Variants in VWA8 observed in about 807,000 individuals in gnomAD.
VWA8 encodes the protein von Willebrand factor A domain containing 8.
In VWA8, 221 loss-of-function variants were observed where a neutral mutation model predicts 241.5. That is an observed-to-expected ratio of 0.91 (90% CI 0.82 to 1.02). The LOEUF is 1.02. VWA8 is among the 50% of genes least tolerant of loss of function. The pLI is 0.00. For synonymous variants in VWA8, 852 were observed against 827.1 expected, an observed-to-expected ratio of 1.03 and a Z score of -0.52; for missense variants, 2,322 against 2,328.7, an observed-to-expected ratio of 1.00 and a Z score of 0.06.
intron 2 of VWA8, among the ~76,000 whole-genome samples, chr13:41,939,304 A>G (rs890316377): frequency 6.6e-6 from 1 of 152,250 alleles, no homozygotes; most frequent in Non-Finnish European, 1.5e-5. Flanking sequence ...GCACAAAAGC[A>G]TGAAAGAATC....
intron 21 of VWA8, among the ~76,000 whole-genome samples, chr13:41,745,404 C>T (rs781137870): frequency 5.3e-5 from 8 of 152,006 alleles, no homozygotes; most frequent in Non-Finnish European, 1.0e-4. Context: ...GTTTTCTGTC[C>T]TTGTGATACA....
At chr13:41,654,446 G>A (rs1392991457) in intron 37 of VWA8, among the ~76,000 whole-genome samples, 1 of 152,150 alleles carries the variant, frequency 6.6e-6, no homozygotes, top group Non-Finnish European at 1.5e-5. Context: ...ATTTTTCCAG[G>A]GACAGGGTAG....
chr13:41,727,441 T>C, intron 23 of VWA8, 128 bp from the exon 24 acceptor site: 1 of 863,964 alleles, frequency 1.2e-6, no homozygotes. Context: ...TATTTGGCTG[T>C]GATAACTTGG....
At chr13:41,861,983 C>T (rs1056413127) in intron 12 of VWA8, among the ~76,000 whole-genome samples, 4 of 152,090 alleles carry the variant, frequency 2.6e-5, no homozygotes, top group African/African-American at 9.7e-5. Context: ...CAGCCTGAAT[C>T]GCCAATGTAA....
intron 4 of VWA8, among the ~76,000 whole-genome samples, chr13:41,893,134 C>G (rs919222700): frequency 2.6e-5 from 4 of 152,150 alleles, no homozygotes; most frequent in African/African-American, 9.7e-5. Flanking sequence ...GAAAACATAT[C>G]TCTATTTTTT....
At chr13:41,696,446 A>G (rs1393957476) in intron 29 of VWA8, among the ~76,000 whole-genome samples, 2 of 152,196 alleles carry the variant, frequency 1.3e-5, no homozygotes, top group East Asian at 3.8e-4. Context: ...TTTAAAAAAT[A>G]TTTTCCTATT....
chr13:41,881,604 C>T (rs1874195859), intron 9 of VWA8, among the ~76,000 whole-genome samples: 1 of 150,502 alleles, frequency 6.6e-6, no homozygotes, highest in African/African-American at 2.4e-5. Flanking sequence ...GGGTGGTGGC[C>T]AGGCAGAGGG....
At chr13:41,583,591 C>T (rs56676800) in intron 42 of VWA8, among the ~76,000 whole-genome samples, 4,047 of 146,284 alleles carry the variant, frequency 0.028, 173 homozygotes, top group African/African-American at 0.094. Context: ...TGCAGTGAGC[C>T]GAGATCACGC....
intron 37 of VWA8, among the ~76,000 whole-genome samples, chr13:41,630,264 T>TTCTCATGGGCGTC (rs142517591): frequency 0.033 from 5,001 of 152,030 alleles, 277 homozygotes; most frequent in African/African-American, 0.11. Context: ...TTTCTTTCCT[T>TTCTCATGGGCGTC]TTCAAATCAA....
At chr13:41,954,947 G>T (rs1468894322) in intron 1 of VWA8, among the ~76,000 whole-genome samples, 1 of 152,102 alleles carries the variant, frequency 6.6e-6, no homozygotes, top group Non-Finnish European at 1.5e-5. Context: ...AATTTTTGAA[G>T]ACTACTGTTT....
At chr13:41,774,255 T>A (rs532709744) in intron 20 of VWA8, among the ~76,000 whole-genome samples, 2 of 152,326 alleles carry the variant, frequency 1.3e-5, no homozygotes, top group South Asian at 4.1e-4. Context: ...TTCTCCTGTC[T>A]CAGCCTCCGA....
intron 2 of VWA8, among the ~76,000 whole-genome samples, chr13:41,934,247 C>A (rs1593881219): frequency 6.6e-6 from 1 of 151,602 alleles, no homozygotes; most frequent in Non-Finnish European, 1.5e-5. Flanking sequence ...CTAGGAAATG[C>A]AATTTAAAAT....
rs753614753 is a variant in VWA8, at chr13:41,740,551, A to C, written c.2427-8396T>G. On this transcript the variant is annotated intron_variant, in intron 21 of 44. Transcript: ENST00000379310. ...CAATCACATTATAATCTTGGACCTC[A>C]TTATATCTTGGTATAAATGCAATCG... Among the ~76,000 whole-genome samples, 14 of 152,182 alleles carry C rather than the reference A, an allele frequency of 9.2e-5. 1 individual carries two copies. Among genetic ancestry groups the C allele is most frequent in the Middle Eastern group, 6.3e-3 (2 of 316 alleles).
At chr13:41,901,033 G>A (rs920577146) in intron 4 of VWA8, among the ~76,000 whole-genome samples, 41 of 150,468 alleles carry the variant, frequency 2.7e-4, no homozygotes, top group African/African-American at 9.5e-4. Flanking sequence ...TGGGCACACA[G>A]TAAACCTTAA....
Position 41,816,794 on chromosome 13 carries a change from G to A in VWA8, c.1870-19C>T, listed in dbSNP as rs745313531. ...TTGGGACCTATTTTTTGAAAGAGTT[G>A]AGGACAAACAGAAGGAATAAATCGG... On this transcript the variant is annotated intron_variant, in intron 15 of 44. Transcript: ENST00000379310. 1 of 1,578,264 alleles carries A rather than the reference G, an allele frequency of 6.3e-7. No individual in the cohort carries two copies. Among genetic ancestry groups the A allele is most frequent in the Non-Finnish European group, 8.7e-7 (1 of 1,149,462 alleles).
At chr13:41,732,312 G>T (rs1211744848) in intron 21 of VWA8, among the ~76,000 whole-genome samples, 157 bp from the exon 22 acceptor site, 1 of 151,574 alleles carries the variant, frequency 6.6e-6, no homozygotes, top group African/African-American at 2.4e-5. Flanking sequence ...AAATTTATTT[G>T]AGTAACAATA....
At chr13:41,634,590 A>G (rs2044745401) in intron 37 of VWA8, among the ~76,000 whole-genome samples, 1 of 152,164 alleles carries the variant, frequency 6.6e-6, no homozygotes, top group South Asian at 2.1e-4. Flanking sequence ...TACAGCAGAG[A>G]CAGCACTGGG....
At chr13:41,846,154 T>C (rs1327988898) in intron 12 of VWA8, among the ~76,000 whole-genome samples, 1 of 151,942 alleles carries the variant, frequency 6.6e-6, no homozygotes, top group African/African-American at 2.4e-5. Flanking sequence ...TAGTGATCCA[T>C]CCGCCCAAGT....
chr13:41,895,599 A>T (rs1168565190), intron 4 of VWA8, among the ~76,000 whole-genome samples: 1 of 152,134 alleles, frequency 6.6e-6, no homozygotes, highest in Non-Finnish European at 1.5e-5. Flanking sequence ...TTGTTTTTCA[A>T]ATCATCATCA....
Sources: allele counts gnomAD v4.1 joint callset (sites outside exome capture counted in the v4.1 genomes callset), GRCh38; gene constraint gnomAD v4.1.1; transcripts MANE v1.5; gene names NCBI Gene and HGNC (gene_info 2026-07-23, HGNC 2026-07-21).